Variants in GLRB observed in about 807,000 individuals in gnomAD.
GLRB encodes glycine receptor beta.
Under a neutral mutation model 54.2 loss-of-function variants are expected in GLRB, and 33 were observed. That is an observed-to-expected ratio of 0.61 (90% CI 0.46 to 0.81). The LOEUF (loss-of-function observed/expected upper bound fraction) is 0.81. GLRB is among the 40% of genes least tolerant of loss of function. The probability of loss-of-function intolerance (pLI) is 0.00; values close to 1 mark genes in which losing one functional copy is unlikely to be tolerated. For missense variants in GLRB, 572 were observed against 584.6 expected (o/e 0.98, Z 0.22); for synonymous variants, 209 against 208.2 (o/e 1.00, Z -0.03).
In GLRB at chr4:157,170,482, A is replaced by G. The variant is rs773009537; in HGVS notation, c.1248A>G (p.Arg416=). 3.7e-6 allele frequency: 6 copies of G among 1,608,678 alleles called. No homozygotes were observed. The Admixed American group carries it at 8.3e-5, about 22-fold the overall frequency. ...KKVCTSKSDL[R]SNDFSIVGSL... ...TTTGTACTTCTAAGTCTGATCTGAG[A>G]TCTAATGACTTCAGCATTGTTGGAA... is the stretch of plus-strand genomic sequence containing the variant. Residue 416 remains arginine, a synonymous_variant, in exon 10 of 10, where the codon AGA becomes AGG. Transcript: ENST00000264428.
intron 8 of GLRB, among the ~76,000 whole-genome samples, chr4:157,151,220 G>C (rs1020052362): frequency 2.0e-5 from 3 of 152,042 alleles, no homozygotes; most frequent in African/African-American, 7.2e-5. Flanking sequence ...AATAAGTTAG[G>C]CTTGTTTTTG....
chr4:157,150,368 AAGTCTTGAATT>A (rs1348636080), intron 8 of GLRB, among the ~76,000 whole-genome samples: 1 of 151,984 alleles, frequency 6.6e-6, no homozygotes, highest in Non-Finnish European at 1.5e-5. Context: ...GATATGATAA[AAGTCTTGAATT>A]CACTACCATT....
At chr4:157,137,831 T>C (rs1420592240) in intron 6 of GLRB, among the ~76,000 whole-genome samples, 1 of 152,216 alleles carries the variant, frequency 6.6e-6, no homozygotes, top group East Asian at 1.9e-4. Flanking sequence ...TGCATTTACA[T>C]TTTGATCCCA....
At chr4:157,148,846 A>C (rs1007886355) in intron 8 of GLRB, among the ~76,000 whole-genome samples, 2 of 152,020 alleles carry the variant, frequency 1.3e-5, no homozygotes, top group Non-Finnish European at 2.9e-5. Flanking sequence ...CATTACCGTC[A>C]AGTTGGTTAG....
intron 9 of GLRB, among the ~76,000 whole-genome samples, chr4:157,169,388 C>G (rs957005664): frequency 1.6e-4 from 25 of 152,200 alleles, no homozygotes; most frequent in African/African-American, 4.8e-4. Flanking sequence ...TATTAGCCTA[C>G]TCCTCTAATC....
At chr4:157,113,219 A>G (rs984062749) in intron 2 of GLRB, among the ~76,000 whole-genome samples, 1 of 151,954 alleles carries the variant, frequency 6.6e-6, no homozygotes, top group African/African-American at 2.4e-5. Flanking sequence ...GAAAATTGAG[A>G]AAAGCTAAGT....
intron 2 of GLRB, chr4:157,078,398 T>C (rs1734114403): frequency 5.6e-6 from 1 of 177,220 alleles, no homozygotes; most frequent in Non-Finnish European, 1.0e-5. Context: ...TTATACACTG[T>C]TTACAAAAGT....
intron 2 of GLRB, among the ~76,000 whole-genome samples, chr4:157,082,704 T>G (rs1255906450): frequency 1.3e-5 from 2 of 152,106 alleles, no homozygotes; most frequent in African/African-American, 4.8e-5. Flanking sequence ...TATTTGTCAA[T>G]GACTGAAATA....
At chr4:157,083,440 G>A (rs1000343718) in intron 2 of GLRB, among the ~76,000 whole-genome samples, 21 of 152,198 alleles carry the variant, frequency 1.4e-4, no homozygotes, top group African/African-American at 5.1e-4. Flanking sequence ...TAGGGAGGGA[G>A]GTAGTGAAGT....
chr4:157,112,314 A>AT (rs35767258), intron 2 of GLRB, among the ~76,000 whole-genome samples: 32 of 151,770 alleles, frequency 2.1e-4, no homozygotes, highest in Non-Finnish European at 1.9e-4. Context: ...TTTAAATACC[A>AT]TTTTTTTTAT....
At chr4:157,108,212 G>A (rs1735292638) in intron 2 of GLRB, among the ~76,000 whole-genome samples, 1 of 152,066 alleles carries the variant, frequency 6.6e-6, no homozygotes, top group African/African-American at 2.4e-5. Context: ...CCATTCTTCA[G>A]ACCATGAATC....
intron 8 of GLRB, among the ~76,000 whole-genome samples, chr4:157,144,351 C>A (rs6536219): frequency 0.28 from 42,702 of 152,060 alleles, 8,852 homozygotes; most frequent in African/African-American, 0.59. Context: ...GAATAGTAAT[C>A]TAATTTACTT....
chr4:157,103,939 TTGTGTG>T (rs34144061), intron 2 of GLRB, among the ~76,000 whole-genome samples: 1 of 148,536 alleles, frequency 6.7e-6, no homozygotes, highest in Non-Finnish European at 1.5e-5. Context: ...GTGTGTGTGT[TTGTGTG>T]TGTGTGTGTG....
At chr4:157,089,255 T>TG (rs1734520572) in intron 2 of GLRB, among the ~76,000 whole-genome samples, 1 of 150,944 alleles carries the variant, frequency 6.6e-6, no homozygotes, top group African/African-American at 2.4e-5. Context: ...TAGCCAAGCA[T>TG]GGGGGAGGGG....
chr4:157,132,552 C>T (rs1028832295), intron 4 of GLRB, among the ~76,000 whole-genome samples: 1 of 151,710 alleles, frequency 6.6e-6, no homozygotes, highest in African/African-American at 2.4e-5. Context: ...CTTTCCTGAT[C>T]GCTGGTGTCT....
intron 4 of GLRB, among the ~76,000 whole-genome samples, chr4:157,131,194 T>C (rs1484164427): frequency 6.6e-6 from 1 of 151,748 alleles, no homozygotes; most frequent in East Asian, 1.9e-4. Flanking sequence ...TGTTTTAGTG[T>C]GATATTGAAA....
Position 157,115,731 on chromosome 4 carries a change from C to CT in GLRB, c.123-4824dup, listed in dbSNP as rs1735584874. Among the ~76,000 whole-genome samples the CT allele has an allele frequency of 7.2e-5, 11 of 151,826 alleles. No individual in the cohort carries two copies. In the South Asian group the frequency reaches 2.3e-3, roughly 32 times the overall value. On this transcript the variant is annotated intron_variant, in intron 2 of 9. Coordinates refer to ENST00000264428, the MANE Select transcript of GLRB (RefSeq NM_000824.5). The stretch of plus-strand genomic sequence containing the variant: ...TCAGATTTTCAGAGACATCTGTTAT[C>CT]TAACAAAGAGGCAAAGAATCACTGC...
chr4:157,078,581 C>T (rs1170258091), intron 2 of GLRB, among the ~76,000 whole-genome samples: 1 of 151,650 alleles, frequency 6.6e-6, no homozygotes, highest in Non-Finnish European at 1.5e-5. Context: ...ATCTTAAGGT[C>T]AGTTCATATG....
chr4:157,160,738 T>A (rs963911015), intron 9 of GLRB, among the ~76,000 whole-genome samples: 1 of 151,966 alleles, frequency 6.6e-6, no homozygotes, highest in Non-Finnish European at 1.5e-5. Context: ...TGCTGAGGAG[T>A]GCTTTACTTC....
Sources: gnomAD v4.1 joint callset for allele counts (sites outside exome capture counted in the v4.1 genomes callset) on GRCh38, gnomAD v4.1.1 for gene constraint, MANE v1.5 for transcripts, NCBI Gene and HGNC (gene_info 2026-07-23, HGNC 2026-07-21) for gene names.